Variants in CDK5RAP3 observed in about 807,000 individuals in gnomAD.
The protein encoded by CDK5RAP3 is CDK5 regulatory subunit-associated protein 3.
Under a neutral mutation model 73.3 loss-of-function variants are expected in CDK5RAP3, and 58 were observed. The ratio of observed to expected loss-of-function variants is 0.79; its 90% CI spans 0.64 to 0.98. The LOEUF (loss-of-function observed/expected upper bound fraction) is 0.98, where lower values mean the gene tolerates loss of function less well. Among genes scored for constraint, CDK5RAP3 ranks in the 50% least tolerant of loss-of-function variants. CDK5RAP3 has a pLI of 0.00. For missense variants in CDK5RAP3, 525 were observed against 615.8 expected (o/e 0.85, Z 1.56); for synonymous variants, 224 against 247.5 (o/e 0.91, Z 0.89).
At chr17:47,978,588 C>T (rs2036477965) in intron 10 of CDK5RAP3, 2 of 510,140 alleles carry the variant, frequency 3.9e-6, no homozygotes, top group Admixed American at 3.3e-5. Flanking sequence ...AGCAGAGAGC[C>T]GGCCTTTCTA....
At chr17:47,970,852 A>G, upstream of CDK5RAP3, 3 of 1,414,552 alleles carry the variant, frequency 2.1e-6, no homozygotes, top group Non-Finnish European at 2.8e-6. Flanking sequence ...CGCCTGTCGC[A>G]ATCCCACGGC....
At chr17:47,974,550 A>G in intron 5 of CDK5RAP3, 102 bp downstream of exon 5, 7 of 1,592,090 alleles carry the variant, frequency 4.4e-6, no homozygotes, top group Non-Finnish European at 6.0e-6. Flanking sequence ...GAGTGGGAAG[A>G]GACTGGAGTG....
chr17:47,971,289 G>T (rs2036256361), intron 1 of CDK5RAP3, 73 bp from the exon 2 acceptor site: 1 of 1,556,844 alleles, frequency 6.4e-7, no homozygotes, highest in Admixed American at 1.9e-5. Context: ...TGGTTGGGAC[G>T]TTGAAATGAG....
At chr17:47,978,616 C>G (rs1343465524) in intron 10 of CDK5RAP3, 20 of 557,582 alleles carry the variant, frequency 3.6e-5, no homozygotes, top group Non-Finnish European at 5.1e-5. Flanking sequence ...GAACCCAGCT[C>G]TGGTCCTCCT....
intron 9 of CDK5RAP3, among the ~76,000 whole-genome samples, chr17:47,977,132 C>A (rs1191528812): frequency 6.6e-6 from 1 of 151,816 alleles, no homozygotes; most frequent in East Asian, 1.9e-4. Context: ...CACCACCACA[C>A]CCCTCTAATT....
chr17:47,980,297 G>T, intron 11 of CDK5RAP3: 2 of 283,254 alleles, frequency 7.1e-6, no homozygotes, highest in Non-Finnish European at 1.3e-5. Context: ...TTTAAAAAGA[G>T]TTTCTCTGTC....
At chr17:47,972,082 C>T (rs1242133172) in intron 2 of CDK5RAP3, among the ~76,000 whole-genome samples, 2 of 129,408 alleles carry the variant, frequency 1.5e-5, no homozygotes, top group Non-Finnish European at 3.3e-5. Context: ...ATGCCTTTTG[C>T]ATTATGCCAG....
rs1408485050 is a variant in CDK5RAP3 at position 47,971,206 on chromosome 17, T to G, written c.6+54T>G. 2.6e-6 allele frequency: 4 copies of G among 1,529,526 alleles called. No homozygotes were observed. In the African/African-American group the frequency reaches 5.5e-5, roughly 21 times the overall value. 94.7% of individuals were successfully genotyped at this position (1,529,526 alleles called of 1,614,324 possible). A position where few individuals can be genotyped will look rare whatever the true frequency, so the allele number is the denominator to read the frequency against. ...GGACTGGCCGCGGACCCCTAACCTG[T>G]GTCTCCGGTCTCCCTCCGGAAGCGG... is the stretch of plus-strand genomic sequence containing the variant. On this transcript the variant is annotated intron_variant, in intron 1 of 13. Coordinates refer to ENST00000338399, the MANE Select transcript of CDK5RAP3 (RefSeq NM_176096.3).
intron 8 of CDK5RAP3, 115 bp from the exon 9 acceptor site, chr17:47,976,597 C>T: frequency 2.9e-6 from 2 of 701,372 alleles, no homozygotes; most frequent in East Asian, 2.8e-5. Flanking sequence ...CTCCTGGGCT[C>T]AAGCAATCCA....
At chr17:47,971,039 G>A (rs564039547), upstream of CDK5RAP3, 12 of 1,536,360 alleles carry the variant, frequency 7.8e-6, no homozygotes, top group African/African-American at 1.5e-4. Context: ...CGACGTGGCC[G>A]AAGGATGCCC....
chr17:47,981,554 A>G lies in CDK5RAP3; in HGVS notation c.*52A>G. 6.2e-7 allele frequency: 1 copy of G among 1,614,078 alleles called. No homozygotes were observed. Reference sequence around the variant, plus strand: ...CTTCTCCGCTTTTGGGATGAAGATGATAGCCAGGGCTGTTGTTTTGGGGCC... The same window carrying G: ...CTTCTCCGCTTTTGGGATGAAGATGGTAGCCAGGGCTGTTGTTTTGGGGCC... On this transcript the variant is annotated 3_prime_UTR_variant, in exon 14 of 14. Coordinates refer to ENST00000338399, the MANE Select transcript of CDK5RAP3 (RefSeq NM_176096.3).
intron 2 of CDK5RAP3, 85 bp downstream of exon 2, chr17:47,971,492 C>A (rs2525085): frequency 2.3e-6 from 3 of 1,308,490 alleles, no homozygotes; most frequent in Non-Finnish European, 3.1e-6. Context: ...GAGCTCTGAC[C>A]CCTGAAAGCC....
At position 47,975,910 on chromosome 17, in the gene CDK5RAP3, A is replaced by G. The variant is rs550711152; in HGVS notation, c.695A>G (p.Lys232Arg). 5 of 1,614,206 alleles carry G rather than the reference A, an allele frequency of 3.1e-6. No individual in the cohort carries two copies. The African/African-American group carries it at 6.7e-5, about 22-fold the overall frequency. The change falls in exon 8 of 14, where the codon AAG becomes AGG. Residue 232 changes from lysine to arginine, a missense_variant. Physicochemically the swap from Lys to Arg is conservative, Grantham distance 26. Transcript: ENST00000338399. ...TTGCCAATGCTGCGGTTCGTGCAGAAGCGGGGAAACTCAACGGTGTACGAG... is the reference window on the plus strand; with the variant it reads ...TTGCCAATGCTGCGGTTCGTGCAGAGGCGGGGAAACTCAACGGTGTACGAG... ...QVLPMLRFVQ[K>R]RGNSTVYEWR...
intron 2 of CDK5RAP3, among the ~76,000 whole-genome samples, chr17:47,971,649 GGA>G (rs1389040919): frequency 6.6e-6 from 1 of 152,130 alleles, no homozygotes; most frequent in African/African-American, 2.4e-5. Flanking sequence ...TATCATTCAG[GGA>G]CAGGATAAAT....
Position 47,976,696 on chromosome 17 carries a change from CTCTT to C in CDK5RAP3, c.799-13_799-10del, listed in dbSNP as rs985195177. On this transcript the variant is annotated splice_polypyrimidine_tract_variant and intron_variant, in intron 8 of 13. Coordinates refer to ENST00000338399, the MANE Select transcript of CDK5RAP3 (RefSeq NM_176096.3). ...AATCCATCTTCCATGAGCTAACACT[CTCTT>C]TCCCTTTCCAGATTGACTGGGGCGA... 6.4e-7 allele frequency: 1 copy of C among 1,562,054 alleles called. No individual in the cohort carries two copies. The highest frequency in any genetic ancestry group is 8.8e-7 in the Non-Finnish European group (1 of 1,134,758).
intron 10 of CDK5RAP3, 87 bp downstream of exon 10, chr17:47,977,997 A>G (rs2036457696): frequency 1.1e-6 from 1 of 930,860 alleles, no homozygotes; most frequent in African/African-American, 1.7e-5. Context: ...CAGCGCTAAG[A>G]TGAGGCTTCT....
chr17:47,976,812 C>G lies in CDK5RAP3; in HGVS notation c.899C>G (p.Ser300Ter). The change falls in exon 9 of 14, where the codon TCA becomes TGA. Residue 300 changes from serine to a stop codon, truncating the protein, a stop_gained. Coordinates refer to ENST00000338399, the MANE Select transcript of CDK5RAP3 (RefSeq NM_176096.3). LOFTEE classifies it high-confidence loss of function. ...ATCGACTGGGGCATCTTCCCGGAAT[C>G]AGATTCAAAGGTGAGGAGGCCTTCT... ...AGIDWGIFPE[S>*]DSKDPGGDGI... is the part of the protein sequence containing the mutation. The G allele has an allele frequency of 6.2e-7, 1 of 1,605,528 alleles. No homozygotes were observed. Among genetic ancestry groups the G allele is most frequent in the Non-Finnish European group, 8.5e-7 (1 of 1,174,672 alleles).
intron 8 of CDK5RAP3, chr17:47,976,421 A>G: frequency 5.4e-6 from 2 of 372,008 alleles, no homozygotes; most frequent in South Asian, 2.6e-5. Flanking sequence ...GTGCAGTGGC[A>G]TGATCCTTGC....
chr17:47,977,807 C>T (rs2144234851), intron 9 of CDK5RAP3, 25 bp from the exon 10 acceptor site: 1 of 1,603,878 alleles, frequency 6.2e-7, no homozygotes, highest in Non-Finnish European at 8.5e-7. Context: ...CCCCCCATTG[C>T]TGTGGTTCTT....
Sources: allele counts gnomAD v4.1 joint callset (sites outside exome capture counted in the v4.1 genomes callset), GRCh38; gene constraint gnomAD v4.1.1; transcripts MANE v1.5; gene names NCBI Gene and HGNC (gene_info 2026-07-23, HGNC 2026-07-21).